TMEM178A: variants seen among roughly 807,000 people sequenced by gnomAD.
TMEM178A encodes transmembrane protein 178A, also known as transmembrane protein 178.
A neutral mutation model predicts 29.1 loss-of-function variants in TMEM178A; 12 were observed. The observed-to-expected ratio is 0.41, with a 90% CI of 0.26 to 0.67. The LOEUF is 0.67. Among genes scored for constraint, TMEM178A ranks in the 30% least tolerant of loss-of-function variants. TMEM178A has a pLI of 0.29. For missense variants in TMEM178A, 366 were observed against 419.1 expected (o/e 0.87, Z 1.11); for synonymous variants, 210 against 187.2 (o/e 1.12, Z -0.99).
At chr2:39,733,154 T>C in the TMEM178A span, among the ~76,000 whole-genome samples, 3 of 152,198 alleles carry the variant, frequency 2.0e-5, no homozygotes, top group Admixed American at 6.5e-5. Context: ...GTTGAAGTAG[T>C]TGAAAGAGAA....
At chr2:39,696,860 AC>A (rs1447580460) in intron 1 of TMEM178A, among the ~76,000 whole-genome samples, 2 of 152,162 alleles carry the variant, frequency 1.3e-5, no homozygotes, top group Non-Finnish European at 2.9e-5. Flanking sequence ...AAGTGGCTCT[AC>A]TTGGCCCTTT....
At chr2:39,723,280 T>A in the TMEM178A span, among the ~76,000 whole-genome samples, 1 of 152,190 alleles carries the variant, frequency 6.6e-6, no homozygotes, top group Non-Finnish European at 1.5e-5. Flanking sequence ...ACTTATCATA[T>A]TGCTTAAATC....
chr2:39,693,966 CT>C lies in TMEM178A; in HGVS notation c.401-10100del, dbSNP rs758406067. On this transcript the variant is annotated intron_variant, in intron 1 of 3. Transcript: ENST00000281961. The stretch of plus-strand genomic sequence containing the variant: ...TATTTCTGGTTTATTCCTCAGCCAC[CT>C]TTTTTTTTTTTTTTAACTTCTGTGA... 3.5e-3 allele frequency among the ~76,000 whole-genome samples: 491 copies of C among 138,874 alleles called. 1 individual carries two copies. Among genetic ancestry groups the C allele is most frequent in the South Asian group, 6.9e-3 (30 of 4,344 alleles). 91.1% of individuals were successfully genotyped at this position (138,874 alleles called of 152,430 possible).
intron 2 of TMEM178A, among the ~76,000 whole-genome samples, chr2:39,705,699 T>G (rs2540242): frequency 0.033 from 5,064 of 152,308 alleles, 292 homozygotes; most frequent in African/African-American, 0.12. Context: ...TGGAAGCTAC[T>G]GTAATCCATC....
intron 1 of TMEM178A, among the ~76,000 whole-genome samples, chr2:39,670,275 A>G (rs1213506882): frequency 6.6e-6 from 1 of 152,222 alleles, no homozygotes; most frequent in Non-Finnish European, 1.5e-5. Flanking sequence ...GGAAATGACA[A>G]GTGGCCTAAA....
chr2:39,707,312 G>C, intron 3 of TMEM178A, 126 bp downstream of exon 3: 1 of 1,214,744 alleles, frequency 8.2e-7, no homozygotes. Flanking sequence ...CAACCAGAAG[G>C]TCATTTTGGC....
rs1241502444 is a variant in TMEM178A, at chr2:39,701,800, C to G, written c.401-2281C>G. On this transcript the variant is annotated intron_variant, in intron 1 of 3. Transcript: ENST00000281961. Reference sequence around the variant, plus strand: ...CTTCAAGTTTGCTGCTTTTTTCTACCTCCTCAAAACTTCTTTTAAGCCTCT... The same window carrying G: ...CTTCAAGTTTGCTGCTTTTTTCTACGTCCTCAAAACTTCTTTTAAGCCTCT... 2.0e-5 allele frequency among the ~76,000 whole-genome samples: 3 copies of G among 151,936 alleles called. No homozygotes were observed. The East Asian group carries it at 5.8e-4, about 29-fold the overall frequency.
At chr2:39,709,149 ACTGT>A (rs574092689) in intron 3 of TMEM178A, among the ~76,000 whole-genome samples, 5 of 152,008 alleles carry the variant, frequency 3.3e-5, no homozygotes, top group Admixed American at 6.5e-5. Context: ...CTGTTTGCTG[ACTGT>A]CTGTCTCTGA....
At chr2:39,683,909 T>C (rs553830823) in intron 1 of TMEM178A, among the ~76,000 whole-genome samples, 1 of 152,344 alleles carries the variant, frequency 6.6e-6, no homozygotes, top group African/African-American at 2.4e-5. Context: ...TTGAAAGCTT[T>C]GGATTGACTT....
intron 1 of TMEM178A, among the ~76,000 whole-genome samples, chr2:39,694,161 G>GTAATAATAATAATAATAATAA (rs66983117): frequency 1.8e-4 from 27 of 146,714 alleles, no homozygotes; most frequent in African/African-American, 6.7e-4. Context: ...AGTAGTAGTA[G>GTAATAATAATAATAATAATAA]TAATAATAAT....
chr2:39,684,294 T>G (rs1406480470), intron 1 of TMEM178A, among the ~76,000 whole-genome samples: 1 of 152,204 alleles, frequency 6.6e-6, no homozygotes, highest in Non-Finnish European at 1.5e-5. Context: ...TTTTTCTGAT[T>G]ATGAACTTTC....
chr2:39,666,164 C>T lies in TMEM178A; in HGVS notation c.190C>T (p.His64Tyr). ...GAAGAACCGCCTGATGCCGCTGTCG[C>T]ACCTGCCGCTGCGGGACTCGCCCCC... is the stretch of plus-strand genomic sequence containing the variant. The part of the protein sequence containing the change: ...DQKNRLMPLS[H>Y]LPLRDSPPLG... The change falls in exon 1 of 4, where the codon CAC becomes TAC. Residue 64 changes from histidine to tyrosine, a missense_variant. His to Tyr is a moderately conservative substitution (Grantham distance 83). Coordinates refer to ENST00000281961, the MANE Select transcript of TMEM178A (RefSeq NM_152390.3). The T allele has an allele frequency of 6.7e-7, 1 of 1,491,534 alleles. No individual in the cohort carries two copies. Among genetic ancestry groups the T allele is most frequent in the East Asian group, 3.0e-5 (1 of 33,632 alleles). The allele number at this position is 1,491,534 out of a possible 1,614,324, so 92.4% of individuals were successfully genotyped here. A position where few individuals can be genotyped will look rare whatever the true frequency, so the allele number is the denominator to read the frequency against.
Position 39,666,164 on chromosome 2 carries a change from C to CA in TMEM178A, c.191dup (p.His64GlnfsTer95). ...GAAGAACCGCCTGATGCCGCTGTCG[C>CA]ACCTGCCGCTGCGGGACTCGCCCCC... is the stretch of plus-strand genomic sequence containing the variant. On this transcript the variant is annotated frameshift_variant, in exon 1 of 4. Transcript: ENST00000281961. LOFTEE classifies it high-confidence loss of function. 6.7e-7 allele frequency: 1 copy of CA among 1,491,534 alleles called. No individual in the cohort carries two copies. Among genetic ancestry groups the CA allele is most frequent in the Non-Finnish European group, 8.9e-7 (1 of 1,126,310 alleles). 92.4% of individuals were successfully genotyped at this position (1,491,534 alleles called of 1,614,324 possible). A position where few individuals can be genotyped will look rare whatever the true frequency, so the allele number is the denominator to read the frequency against.
chr2:39,693,310 T>C (rs1231730140), intron 1 of TMEM178A, among the ~76,000 whole-genome samples: 1 of 152,214 alleles, frequency 6.6e-6, no homozygotes, highest in Non-Finnish European at 1.5e-5. Flanking sequence ...GTTCTGACTA[T>C]ATTGATCTTT....
In TMEM178A at chr2:39,666,240, C is replaced by A. The variant is rs1670153008; in HGVS notation, c.266C>A (p.Ser89Tyr). Reference protein sequence around the residue: ...PGGPGRADPESWRSLLGLGGL... With the variant: ...PGGPGRADPEYWRSLLGLGGL... ...GGCCCGGGGCGCGCCGACCCCGAGT[C>A]CTGGCGCTCGCTCCTGGGGCTCGGC... is the stretch of plus-strand genomic sequence containing the variant. The change falls in exon 1 of 4, where the codon TCC becomes TAC. Residue 89 changes from serine to tyrosine, a missense_variant. Ser to Tyr is a moderately radical substitution (Grantham distance 144). Coordinates refer to ENST00000281961, the MANE Select transcript of TMEM178A (RefSeq NM_152390.3). 1 of 1,354,108 alleles carries A rather than the reference C, an allele frequency of 7.4e-7. No individual in the cohort carries two copies. The highest frequency in any genetic ancestry group is 9.4e-7 in the Non-Finnish European group (1 of 1,060,046). 83.9% of individuals were successfully genotyped at this position (1,354,108 alleles called of 1,614,324 possible).
chr2:39,718,814 A>G (rs375945148), downstream of TMEM178A, among the ~76,000 whole-genome samples: 2 of 150,018 alleles, frequency 1.3e-5, no homozygotes, highest in South Asian at 2.1e-4. Context: ...TTTAACTCCA[A>G]CCCTTGTTCC....
chr2:39,718,438 G>A (rs1672630553), downstream of TMEM178A, among the ~76,000 whole-genome samples: 1 of 152,172 alleles, frequency 6.6e-6, no homozygotes, highest in Admixed American at 6.5e-5. Context: ...CTAGGCTTGA[G>A]CATTTTTGTA....
Position 39,717,654 on chromosome 2 carries a change from T to C in TMEM178A, c.*403T>C, listed in dbSNP as rs1421701708. On this transcript the variant is annotated 3_prime_UTR_variant, in exon 4 of 4. Transcript: ENST00000281961. ...AATTTTCTTGTCATTGTATCATGCT[T>C]GTTAAATTTTAATGCAGCATCTTCA... 6.2e-6 allele frequency: 1 copy of C among 161,914 alleles called. No individual in the cohort carries two copies. Among genetic ancestry groups the C allele is most frequent in the Admixed American group, 5.9e-5 (1 of 17,054 alleles). The allele number at this position is 161,914 out of a possible 1,614,324, so 10.0% of individuals were successfully genotyped here.
chr2:39,720,958 C>T (rs2148124628), downstream of TMEM178A, among the ~76,000 whole-genome samples: 1 of 152,294 alleles, frequency 6.6e-6, no homozygotes, highest in Non-Finnish European at 1.5e-5. Context: ...TATTTGATGG[C>T]TCAAACATTA....
Sources: gnomAD v4.1 joint callset for allele counts (sites outside exome capture counted in the v4.1 genomes callset) on GRCh38, gnomAD v4.1.1 for gene constraint, MANE v1.5 for transcripts, NCBI Gene and HGNC (gene_info 2026-07-23, HGNC 2026-07-21) for gene names.